Variants in FBXO31 observed in about 807,000 individuals in gnomAD.
FBXO31 encodes the protein F-box only protein 31.
A neutral mutation model predicts 54.4 loss-of-function variants in FBXO31; 24 were observed. That is an observed-to-expected ratio of 0.44 (90% CI 0.32 to 0.62). The LOEUF is 0.62. FBXO31 is among the 20% of genes least tolerant of loss of function. FBXO31 has a pLI of 0.05. For synonymous variants in FBXO31, 388 were observed against 335.6 expected, an observed-to-expected ratio of 1.16 and a Z score of -1.71; for missense variants, 665 against 787.1, an observed-to-expected ratio of 0.84 and a Z score of 1.86.
upstream of FBXO31, among the ~76,000 whole-genome samples, chr16:87,386,525 C>T (rs1341399526): frequency 6.6e-6 from 1 of 152,214 alleles, no homozygotes; most frequent in Non-Finnish European, 1.5e-5. Context: ...CCCCGCCTCC[C>T]GGGTTCAAGC....
intron 5 of FBXO31, among the ~76,000 whole-genome samples, chr16:87,341,489 C>T (rs932999475): frequency 6.6e-6 from 1 of 151,884 alleles, no homozygotes; most frequent in African/African-American, 2.4e-5. Context: ...AACCCCATCT[C>T]TACTAAAAAT....
chr16:87,377,410 C>A lies in FBXO31; in HGVS notation c.340+5995G>T, dbSNP rs1274644912. On this transcript the variant is annotated intron_variant, in intron 1 of 8. Coordinates refer to ENST00000311635, the MANE Select transcript of FBXO31 (RefSeq NM_024735.5). ...ACAGTGAGCCATAATAGCGCCACTA[C>A]ACTCCAACCTGGGTGACATCACGAG... Among the ~76,000 whole-genome samples, 5 of 152,142 alleles carry A rather than the reference C, an allele frequency of 3.3e-5. No homozygotes were observed. The East Asian group carries it at 9.6e-4, about 29-fold the overall frequency.
chr16:87,350,113 C>T (rs549992108), intron 2 of FBXO31, among the ~76,000 whole-genome samples: 1 of 152,164 alleles, frequency 6.6e-6, no homozygotes, highest in Admixed American at 6.5e-5. Flanking sequence ...GACGAATGGG[C>T]AGGATCTCGG....
At chr16:87,360,218 G>T in intron 2 of FBXO31, 77 bp downstream of exon 2, 4 of 1,360,038 alleles carry the variant, frequency 2.9e-6, no homozygotes, top group Admixed American at 3.4e-5. Flanking sequence ...AAATCACTTT[G>T]ATTATTTGTC....
chr16:87,362,604 A>T (rs921190845), intron 1 of FBXO31: 1 of 152,368 alleles, frequency 6.6e-6, no homozygotes, highest in East Asian at 1.9e-4. Context: ...TCTGTTGCCC[A>T]GGCTGAAGTG....
chr16:87,388,688 C>T (rs1907409349), upstream of FBXO31: 1 of 152,346 alleles, frequency 6.6e-6, no homozygotes, highest in East Asian at 1.9e-4. Context: ...CAGCCACTTA[C>T]ATCACTCAAG....
chr16:87,359,463 C>G (rs898629752), intron 2 of FBXO31, among the ~76,000 whole-genome samples: 5 of 152,218 alleles, frequency 3.3e-5, no homozygotes, highest in African/African-American at 1.2e-4. Flanking sequence ...CACCTGTGTC[C>G]CTACCGGGAC....
intron 2 of FBXO31, among the ~76,000 whole-genome samples, chr16:87,354,641 G>A (rs952823855): frequency 6.6e-6 from 1 of 151,968 alleles, no homozygotes; most frequent in African/African-American, 2.4e-5. Flanking sequence ...AAAAAGAAAA[G>A]ATACCCCAAA....
chr16:87,331,951 A>G (rs931603805), intron 8 of FBXO31, among the ~76,000 whole-genome samples: 2 of 152,254 alleles, frequency 1.3e-5, no homozygotes, highest in Non-Finnish European at 2.9e-5. Context: ...TCCCCATACA[A>G]TTAGCTCTAA....
intron 5 of FBXO31, among the ~76,000 whole-genome samples, chr16:87,342,314 C>T (rs1905219669): frequency 1.3e-5 from 2 of 152,020 alleles, no homozygotes; most frequent in Non-Finnish European, 2.9e-5. Context: ...CTCAGCCTCC[C>T]AAAGAGCTGG....
intron 2 of FBXO31, among the ~76,000 whole-genome samples, chr16:87,357,517 T>C (rs1905949030): frequency 6.6e-6 from 1 of 152,008 alleles, no homozygotes; most frequent in South Asian, 2.1e-4. Context: ...TTAGTAGAGA[T>C]GAGTTTCACC....
chr16:87,336,918 C>G lies in FBXO31; in HGVS notation c.733-654G>C, dbSNP rs1905060117. 1.3e-5 allele frequency among the ~76,000 whole-genome samples: 2 copies of G among 152,178 alleles called. No individual in the cohort carries two copies. Among genetic ancestry groups the G allele is most frequent in the Admixed American group, 1.3e-4 (2 of 15,274 alleles). ...ATTCTACACAATTTACAGAATTCAC[C>G]CAAACTTCCAAGTTCCCAGCTCAAT... is the stretch of plus-strand genomic sequence containing the variant. On this transcript the variant is annotated intron_variant, in intron 5 of 8. Transcript: ENST00000311635. The surrounding 1 kb of genome is among the most constrained non-coding windows in gnomAD (Gnocchi z 6.5).
chr16:87,365,041 C>T (rs1400263014), intron 1 of FBXO31, among the ~76,000 whole-genome samples: 1 of 36,222 alleles, frequency 2.8e-5, no homozygotes, highest in Non-Finnish European at 5.0e-5. Flanking sequence ...ATATATATAT[C>T]AGGCAGGCCA....
intron 2 of FBXO31, among the ~76,000 whole-genome samples, chr16:87,359,363 C>T (rs1324506872): frequency 6.6e-6 from 1 of 152,178 alleles, no homozygotes; most frequent in African/African-American, 2.4e-5. Flanking sequence ...AGTGCTCAGG[C>T]AACACCTCCG....
rs200753805 is a variant in FBXO31, at chr16:87,343,774, G to A, written c.490-9C>T. The A allele has an allele frequency of 6.2e-7, 1 of 1,614,052 alleles. No individual in the cohort carries two copies. The highest frequency in any genetic ancestry group is 8.5e-7 in the Non-Finnish European group (1 of 1,179,952). On this transcript the variant is annotated splice_polypyrimidine_tract_variant and intron_variant, in intron 3 of 8. Coordinates refer to ENST00000311635, the MANE Select transcript of FBXO31 (RefSeq NM_024735.5). ...ATGAACAGGCCGTCCACCTACAGGA[G>A]GAGATGGGCAAAGGTCCATGAGTGG...
chr16:87,365,533 G>A (rs35372176), intron 1 of FBXO31, among the ~76,000 whole-genome samples: 15,278 of 152,154 alleles, frequency 0.1, 891 homozygotes, highest in East Asian at 0.26. Flanking sequence ...TTGGGAGCTC[G>A]GCAGGGAGTC....
intron 2 of FBXO31, among the ~76,000 whole-genome samples, chr16:87,350,638 G>A (rs775664216): frequency 2.0e-5 from 3 of 152,124 alleles, no homozygotes; most frequent in African/African-American, 4.8e-5. Flanking sequence ...ACTGCTGGGC[G>A]GCTGGGTGAT....
At chr16:87,363,961 T>A (rs897585110) in intron 1 of FBXO31, among the ~76,000 whole-genome samples, 10 of 152,072 alleles carry the variant, frequency 6.6e-5, no homozygotes, top group Admixed American at 2.6e-4. Flanking sequence ...AGCAAATGTT[T>A]ACAAATGGGA....
intron 5 of FBXO31, among the ~76,000 whole-genome samples, chr16:87,339,884 C>T (rs989556277): frequency 3.3e-5 from 5 of 152,204 alleles, no homozygotes; most frequent in African/African-American, 1.2e-4. Flanking sequence ...GCTATAATCC[C>T]AACACTTTGG....
Sources: allele counts gnomAD v4.1 joint callset (sites outside exome capture counted in the v4.1 genomes callset), GRCh38; gene constraint gnomAD v4.1.1; non-coding constraint Gnocchi (gnomAD v3.1); transcripts MANE v1.5; gene names NCBI Gene and HGNC (gene_info 2026-07-23, HGNC 2026-07-21).